The following URI1 variants were observed in gnomAD, a reference collection of about 807,000 sequenced individuals.
URI1 encodes URI1 prefoldin like chaperone.
Under a neutral mutation model 60.2 loss-of-function variants are expected in URI1, and 39 were observed. The observed-to-expected ratio is 0.65, with a 90% CI of 0.50 to 0.85. URI1 has a LOEUF of 0.85. Ranked by LOEUF, URI1 falls within the 40% of genes least tolerant of loss-of-function variation. The probability of loss-of-function intolerance (pLI) is 0.00; values close to 1 mark genes in which losing one functional copy is unlikely to be tolerated. For synonymous variants in URI1, 251 were observed against 236.8 expected, an observed-to-expected ratio of 1.06 and a Z score of -0.55; for missense variants, 691 against 665.9, an observed-to-expected ratio of 1.04 and a Z score of -0.42.
chr19:29,997,489 C>A (rs1245576576), intron 4 of URI1, among the ~76,000 whole-genome samples: 2 of 151,880 alleles, frequency 1.3e-5, no homozygotes, highest in African/African-American at 4.8e-5. Flanking sequence ...TGTAAAAAAC[C>A]AACTTTTGGT....
At chr19:29,977,325 T>C (rs1053501511) in intron 2 of URI1, among the ~76,000 whole-genome samples, 2 of 152,122 alleles carry the variant, frequency 1.3e-5, no homozygotes, top group Non-Finnish European at 2.9e-5. Flanking sequence ...TACCTGAAAC[T>C]GTTTTCTTGA....
chr19:30,012,585 T>G (rs770771509), intron 10 of URI1, 54 bp downstream of exon 10: 1 of 1,564,648 alleles, frequency 6.4e-7, no homozygotes, highest in African/African-American at 1.4e-5. Flanking sequence ...TTGACCAGTT[T>G]TAGCTATTTA....
chr19:29,984,854 G>C (rs761678326), intron 2 of URI1, among the ~76,000 whole-genome samples: 2 of 151,964 alleles, frequency 1.3e-5, no homozygotes, highest in Non-Finnish European at 2.9e-5. Context: ...AGGTGCAGTG[G>C]CTCACGCCTG....
chr19:30,011,685 T>C (rs1049285726), intron 9 of URI1, among the ~76,000 whole-genome samples: 3 of 151,964 alleles, frequency 2.0e-5, no homozygotes, highest in African/African-American at 7.3e-5. Flanking sequence ...AAATACCTAC[T>C]GTTTTTATGA....
chr19:29,926,690 T>C (rs988353446), intron 1 of URI1, among the ~76,000 whole-genome samples: 2 of 152,202 alleles, frequency 1.3e-5, no homozygotes, highest in Non-Finnish European at 1.5e-5. Context: ...TAAACTGCAG[T>C]ACAAGGTTAA....
chr19:29,983,239 A>G (rs541531567), intron 2 of URI1: 2 of 152,306 alleles, frequency 1.3e-5, no homozygotes, highest in African/African-American at 4.8e-5. Flanking sequence ...GGTTAAACTC[A>G]TTGCTTACCT....
At chr19:29,939,524 T>C (rs546238309), upstream of URI1, among the ~76,000 whole-genome samples, 30 of 152,212 alleles carry the variant, frequency 2.0e-4, no homozygotes, top group East Asian at 5.4e-3. Flanking sequence ...TCCGCCTGCC[T>C]CCACCTCCCA....
intron 1 of URI1, among the ~76,000 whole-genome samples, chr19:29,960,765 A>G (rs1045703344): frequency 6.6e-6 from 1 of 152,188 alleles, no homozygotes; most frequent in Admixed American, 6.5e-5. Context: ...GATTCCTGAT[A>G]TATTTAATTT....
rs116201817 is a variant in URI1, at chr19:29,997,035, A to G, written c.368-8326A>G. 4.8e-3 allele frequency among the ~76,000 whole-genome samples: 728 copies of G among 152,208 alleles called. 9 individuals carry two copies. Among genetic ancestry groups the G allele is most frequent in the African/African-American group, 0.017 (690 of 41,554 alleles). ...CCAGCATTTTGTTGAGGATTTTTATATGTATATTCATAAGAGAAATTAGCC... is the reference window on the plus strand; with the variant it reads ...CCAGCATTTTGTTGAGGATTTTTATGTGTATATTCATAAGAGAAATTAGCC... On this transcript the variant is annotated intron_variant, in intron 4 of 10. Transcript: ENST00000392271.
intron 4 of URI1, among the ~76,000 whole-genome samples, chr19:29,987,412 T>C (rs1014509110): frequency 2.6e-5 from 4 of 152,204 alleles, no homozygotes; most frequent in African/African-American, 9.7e-5. Flanking sequence ...AGTTTATAAT[T>C]GATATATATT....
intron 1 of URI1, among the ~76,000 whole-genome samples, chr19:29,964,412 T>G (rs1160831890): frequency 6.6e-6 from 1 of 152,112 alleles, no homozygotes; most frequent in Non-Finnish European, 1.5e-5. Flanking sequence ...TTGAGATTTT[T>G]ACTACAGTCT....
chr19:29,968,001 A>G (rs929370217), intron 1 of URI1, among the ~76,000 whole-genome samples: 1 of 152,242 alleles, frequency 6.6e-6, no homozygotes, highest in Non-Finnish European at 1.5e-5. Flanking sequence ...AATGGATACC[A>G]TATGACTTTG....
intron 2 of URI1, among the ~76,000 whole-genome samples, chr19:29,982,245 A>T (rs1018830468): frequency 1.3e-5 from 2 of 152,222 alleles, no homozygotes; most frequent in African/African-American, 4.8e-5. Context: ...CTCTAATCTT[A>T]AACTGCTCTC....
chr19:29,972,886 C>T (rs1304863482), intron 2 of URI1, among the ~76,000 whole-genome samples: 5 of 152,086 alleles, frequency 3.3e-5, no homozygotes, highest in African/African-American at 1.2e-4. Flanking sequence ...TTTGCCTACA[C>T]ATATCTTGAA....
At chr19:29,950,181 A>G (rs760766241) in intron 1 of URI1, among the ~76,000 whole-genome samples, 63 of 99,728 alleles carry the variant, frequency 6.3e-4, no homozygotes, top group Non-Finnish European at 9.7e-4. Flanking sequence ...ATAAAACAGT[A>G]TTTCAAGGAG....
At chr19:29,947,859 C>A (rs2055121815) in intron 1 of URI1, among the ~76,000 whole-genome samples, 2 of 152,134 alleles carry the variant, frequency 1.3e-5, no homozygotes, top group Admixed American at 1.3e-4. Flanking sequence ...GTCTTTCTTA[C>A]TACTTTTCTG....
chr19:29,944,000 A>G (rs114870848), intron 1 of URI1, among the ~76,000 whole-genome samples: 1,936 of 150,140 alleles, frequency 0.013, 47 homozygotes, highest in African/African-American at 0.045. Context: ...TAGCCGGGCC[A>G]TGGTGGTGCA....
chr19:29,978,061 G>A, intron 2 of URI1, among the ~76,000 whole-genome samples: 1 of 152,054 alleles, frequency 6.6e-6, no homozygotes, highest in East Asian at 1.9e-4. Context: ...AGGTCAAACT[G>A]TAAATGCATT....
intron 4 of URI1, among the ~76,000 whole-genome samples, chr19:30,001,046 C>T (rs879927406): frequency 1.3e-5 from 2 of 151,468 alleles, no homozygotes; most frequent in Non-Finnish European, 3.0e-5. Context: ...GATGGAGGGT[C>T]TTTTTTTAAG....
Sources: gnomAD v4.1 joint callset for allele counts (sites outside exome capture counted in the v4.1 genomes callset) on GRCh38, gnomAD v4.1.1 for gene constraint, MANE v1.5 for transcripts, NCBI Gene and HGNC (gene_info 2026-07-23, HGNC 2026-07-21) for gene names.